The following MACROD2 variants were observed in gnomAD, a reference collection of about 807,000 sequenced individuals.
The protein encoded by MACROD2 is ADP-ribose glycohydrolase MACROD2.
In MACROD2, 36 loss-of-function variants were observed where a neutral mutation model predicts 70.4. That is an observed-to-expected ratio of 0.51 (90% CI 0.39 to 0.68). The LOEUF is 0.68. Among genes scored for constraint, MACROD2 ranks in the 30% least tolerant of loss-of-function variants. MACROD2 has a pLI of 0.00. For synonymous variants in MACROD2, 172 were observed against 178.8 expected (o/e 0.96, Z 0.30); for missense variants, 496 against 538.4 (o/e 0.92, Z 0.78).
chr20:15,229,241 A>G (rs1343728753), intron 5 of MACROD2, among the ~76,000 whole-genome samples: 1 of 152,214 alleles, frequency 6.6e-6, no homozygotes, highest in Non-Finnish European at 1.5e-5. Flanking sequence ...GTATTTTTCA[A>G]CATAAATAGG....
intron 5 of MACROD2, among the ~76,000 whole-genome samples, chr20:15,106,686 T>C (rs411338): frequency 0.16 from 24,649 of 152,086 alleles, 2,234 homozygotes; most frequent in African/African-American, 0.21. Flanking sequence ...GAGTTTGCAT[T>C]GTTGATATGT....
chr20:14,862,442 T>TATATATAAATATATATATAA (rs2073359726), intron 5 of MACROD2, among the ~76,000 whole-genome samples: 1 of 5,196 alleles, frequency 1.9e-4, no homozygotes, highest in Non-Finnish European at 4.8e-4. Flanking sequence ...TATATATAAA[T>TATATATAAATATATATATAA]ATATATATAA....
At chr20:14,609,618 A>G (rs769014053) in intron 4 of MACROD2, among the ~76,000 whole-genome samples, 8 of 152,152 alleles carry the variant, frequency 5.3e-5, no homozygotes, top group African/African-American at 1.4e-4. Flanking sequence ...TTGAAATACC[A>G]AATAGGAGTA....
intron 2 of MACROD2, among the ~76,000 whole-genome samples, chr20:14,041,960 A>G (rs1325675081): frequency 6.6e-6 from 1 of 152,132 alleles, no homozygotes; most frequent in Non-Finnish European, 1.5e-5. Context: ...GTACAGAACA[A>G]TCCGGATTTA....
chr20:15,181,226 C>T (rs1363621835), intron 5 of MACROD2, among the ~76,000 whole-genome samples: 1 of 152,160 alleles, frequency 6.6e-6, no homozygotes, highest in Non-Finnish European at 1.5e-5. Flanking sequence ...TCTGCAGATA[C>T]AGTGCATTGA....
rs2054264339 is a variant in MACROD2 at position 14,098,912 on chromosome 20, A to AAC, written c.271+13194_271+13195dup. 2.6e-5 allele frequency among the ~76,000 whole-genome samples: 4 copies of AAC among 152,282 alleles called. No individual in the cohort carries two copies. In the South Asian group the frequency reaches 8.3e-4, roughly 32 times the overall value. Reference sequence around the variant, plus strand: ...TTTCTGTTGAGCAGTAATAGATCCAAACACACACACAGAAATATATAGCTT... The same window carrying AAC: ...TTTCTGTTGAGCAGTAATAGATCCAAACACACACACACAGAAATATATAGCTT... On this transcript the variant is annotated intron_variant, in intron 3 of 17. Transcript: ENST00000684519.
At chr20:15,920,153 T>C (rs1377804709) in intron 10 of MACROD2, among the ~76,000 whole-genome samples, 1 of 152,118 alleles carries the variant, frequency 6.6e-6, no homozygotes, top group East Asian at 1.9e-4. Context: ...AAAGAAACCA[T>C]GAGGATATTG....
At chr20:14,277,542 A>G (rs2082270189) in intron 3 of MACROD2, among the ~76,000 whole-genome samples, 1 of 152,222 alleles carries the variant, frequency 6.6e-6, no homozygotes. Context: ...TAGTATTTGA[A>G]TAGCTTAAAT....
At chr20:15,400,020 T>C (rs764945492) in intron 6 of MACROD2, among the ~76,000 whole-genome samples, 2 of 152,168 alleles carry the variant, frequency 1.3e-5, no homozygotes, top group African/African-American at 2.4e-5. Flanking sequence ...GGAACCACGC[T>C]GGCTGACTCA....
chr20:14,576,492 A>G (rs539846442), intron 4 of MACROD2, among the ~76,000 whole-genome samples: 4 of 152,310 alleles, frequency 2.6e-5, no homozygotes, highest in African/African-American at 7.2e-5. Flanking sequence ...GCCACTTTCA[A>G]TATGCTTCAG....
chr20:15,460,794 G>A (rs1296190764), intron 7 of MACROD2, among the ~76,000 whole-genome samples: 1 of 151,554 alleles, frequency 6.6e-6, no homozygotes, highest in Non-Finnish European at 1.5e-5. Context: ...AATTCCCATG[G>A]CCTCATAGAC....
At chr20:14,769,134 C>T (rs900631014) in intron 5 of MACROD2, among the ~76,000 whole-genome samples, 8 of 152,022 alleles carry the variant, frequency 5.3e-5, no homozygotes, top group Admixed American at 1.3e-4. Context: ...TTTCCCCCAT[C>T]GGAAAGCTTC....
At chr20:15,708,614 C>T (rs926043889) in intron 8 of MACROD2, among the ~76,000 whole-genome samples, 1 of 140,384 alleles carries the variant, frequency 7.1e-6, no homozygotes, top group African/African-American at 2.5e-5. Flanking sequence ...CTGGCTCACA[C>T]CTGTGATTTC....
intron 3 of MACROD2, among the ~76,000 whole-genome samples, chr20:14,275,701 A>G (rs1235488967): frequency 6.6e-6 from 1 of 152,230 alleles, no homozygotes; most frequent in African/African-American, 2.4e-5. Context: ...GACAGCCTAC[A>G]GAATGGGAGA....
At chr20:15,816,616 T>A (rs1464447573) in intron 8 of MACROD2, among the ~76,000 whole-genome samples, 1 of 152,226 alleles carries the variant, frequency 6.6e-6, no homozygotes, top group Non-Finnish European at 1.5e-5. Context: ...TCCCACGGCT[T>A]CTTCCTTCTG....
chr20:15,585,622 C>G (rs1026709689), intron 8 of MACROD2, among the ~76,000 whole-genome samples: 7 of 152,176 alleles, frequency 4.6e-5, no homozygotes, highest in Non-Finnish European at 1.0e-4. Flanking sequence ...AGCTCTCTCC[C>G]CCAGGGATGG....
intron 5 of MACROD2, among the ~76,000 whole-genome samples, chr20:14,742,712 C>G (rs909178496): frequency 2.0e-5 from 3 of 151,476 alleles, no homozygotes; most frequent in Non-Finnish European, 4.4e-5. Context: ...AAAGAGCTCT[C>G]AAATATTAAA....
chr20:15,726,253 A>ATATG (rs1239708033), intron 8 of MACROD2, among the ~76,000 whole-genome samples: 33 of 152,194 alleles, frequency 2.2e-4, no homozygotes, highest in African/African-American at 7.5e-4. Flanking sequence ...GCTGCAAAGG[A>ATATG]TATGATCTTG....
At chr20:14,276,084 C>T (rs922449443) in intron 3 of MACROD2, among the ~76,000 whole-genome samples, 1 of 151,936 alleles carries the variant, frequency 6.6e-6, no homozygotes, top group African/African-American at 2.4e-5. Context: ...CCTCAGGGAT[C>T]TAGAACTAGA....
Sources: allele counts gnomAD v4.1 joint callset (sites outside exome capture counted in the v4.1 genomes callset), GRCh38; gene constraint gnomAD v4.1.1; transcripts MANE v1.5; gene names NCBI Gene and HGNC (gene_info 2026-07-23, HGNC 2026-07-21).